The following RBPJ variants were observed in gnomAD, a reference collection of about 807,000 sequenced individuals.
RBPJ encodes the protein recombination signal binding protein for immunoglobulin kappa J region, also known as recombining binding protein suppressor of hairless.
Under a neutral mutation model 67.8 loss-of-function variants are expected in RBPJ, and 9 were observed. The observed-to-expected ratio is 0.13, with a 90% CI of 0.08 to 0.23. The LOEUF is 0.23. RBPJ is among the 10% of genes least tolerant of loss of function. The pLI, the probability that RBPJ is intolerant of heterozygous loss-of-function variation, is 1.00. For missense variants in RBPJ, 305 were observed against 595.6 expected (o/e 0.51, Z 5.08); for synonymous variants, 198 against 203.3 (o/e 0.97, Z 0.22).
At chr4:26,385,010 C>A (rs945345160) in intron 1 of RBPJ, among the ~76,000 whole-genome samples, 2 of 121,444 alleles carry the variant, frequency 1.6e-5, no homozygotes, top group Admixed American at 8.8e-5. Flanking sequence ...TCCCCTCCCC[C>A]CTTTCCTTTC....
At chr4:26,293,902 C>T (rs987525895) in intron 1 of RBPJ, among the ~76,000 whole-genome samples, 10 of 151,998 alleles carry the variant, frequency 6.6e-5, no homozygotes, top group African/African-American at 2.4e-4. Flanking sequence ...GGATTACAGG[C>T]ATGTGCCACC....
intron 1 of RBPJ, among the ~76,000 whole-genome samples, chr4:26,169,499 G>A (rs1716471761): frequency 6.6e-6 from 1 of 152,218 alleles, no homozygotes; most frequent in Non-Finnish European, 1.5e-5. Context: ...GTGCCTCCCA[G>A]TTAGGCTGCT....
intron 7 of RBPJ, among the ~76,000 whole-genome samples, chr4:26,427,706 G>T (rs56852953): frequency 0.087 from 13,246 of 152,190 alleles, 759 homozygotes; most frequent in East Asian, 0.3. Context: ...TGGAGAGATT[G>T]CAGGAGATTG....
At chr4:26,320,747 A>T (rs1400433972), upstream of RBPJ, 1 of 1,552,258 alleles carries the variant, frequency 6.4e-7, no homozygotes, top group South Asian at 1.2e-5. Flanking sequence ...GGATAACCGG[A>T]GCGCTCCCCA....
chr4:26,417,138 A>G (rs183028466), intron 4 of RBPJ, among the ~76,000 whole-genome samples: 15 of 152,338 alleles, frequency 9.8e-5, no homozygotes, highest in Admixed American at 6.5e-4. Flanking sequence ...ATTCAGTACT[A>G]TGAATGAGTG....
intron 1 of RBPJ, among the ~76,000 whole-genome samples, chr4:26,340,642 G>A (rs1725413315): frequency 1.3e-5 from 2 of 152,006 alleles, no homozygotes; most frequent in Admixed American, 6.5e-5. Flanking sequence ...GGTGGATAAT[G>A]AGGTCAGAGG....
chr4:26,198,209 G>A (rs377266104), intron 1 of RBPJ, among the ~76,000 whole-genome samples: 33 of 152,040 alleles, frequency 2.2e-4, no homozygotes, highest in African/African-American at 6.3e-4. Context: ...AGCTGAGATC[G>A]CGCCATTGCA....
chr4:26,126,324 A>AC, the RBPJ span, among the ~76,000 whole-genome samples: 7,307 of 152,124 alleles, frequency 0.048, 589 homozygotes, highest in African/African-American at 0.17. Flanking sequence ...CCCGCCCCCA[A>AC]CCCCAACTTC....
intron 1 of RBPJ, among the ~76,000 whole-genome samples, chr4:26,364,546 C>T (rs184372752): frequency 6.7e-6 from 1 of 149,116 alleles, no homozygotes; most frequent in East Asian, 1.9e-4. Context: ...TTTAACTCCG[C>T]AGAGGTTTTT....
chr4:26,122,647 T>C, the RBPJ span, among the ~76,000 whole-genome samples: 20 of 152,246 alleles, frequency 1.3e-4, no homozygotes, highest in African/African-American at 3.9e-4. Context: ...TTGGAAAATA[T>C]AGAGAAACAT....
chr4:26,209,114 T>A (rs1718274160), intron 1 of RBPJ, among the ~76,000 whole-genome samples: 1 of 150,156 alleles, frequency 6.7e-6, no homozygotes, highest in Admixed American at 6.6e-5. Flanking sequence ...TATATATATA[T>A]AAAAGCATTT....
At chr4:26,428,698 A>AT in intron 7 of RBPJ, 22 bp from the exon 8 acceptor site, 1 of 1,591,476 alleles carries the variant, frequency 6.3e-7, no homozygotes. Flanking sequence ...ATGACCTTTT[A>AT]TTTCTTAATT....
intron 1 of RBPJ, among the ~76,000 whole-genome samples, chr4:26,211,691 G>A (rs1000080086): frequency 2.0e-5 from 3 of 152,134 alleles, no homozygotes; most frequent in African/African-American, 4.8e-5. Flanking sequence ...CCTTCCATTC[G>A]GGTAGACAGC....
At chr4:26,357,219 C>T (rs998693046) in intron 1 of RBPJ, among the ~76,000 whole-genome samples, 3 of 152,130 alleles carry the variant, frequency 2.0e-5, no homozygotes, top group Non-Finnish European at 4.4e-5. Context: ...ATTGTGAAGG[C>T]TAGGCTTTTG....
intron 1 of RBPJ, among the ~76,000 whole-genome samples, chr4:26,300,378 GAAGA>G (rs1234031027): frequency 6.6e-6 from 1 of 152,172 alleles, no homozygotes; most frequent in Non-Finnish European, 1.5e-5. Flanking sequence ...CTAAAGGAAG[GAAGA>G]AATATCCAAG....
chr4:26,307,489 T>C (rs972547011), intron 1 of RBPJ, among the ~76,000 whole-genome samples: 1 of 152,228 alleles, frequency 6.6e-6, no homozygotes, highest in African/African-American at 2.4e-5. Flanking sequence ...CAGATATAGC[T>C]ATGCTATTTA....
intron 1 of RBPJ, among the ~76,000 whole-genome samples, chr4:26,218,232 C>T (rs754871596): frequency 1.1e-4 from 17 of 152,108 alleles, no homozygotes; most frequent in Non-Finnish European, 1.8e-4. Context: ...CCGGTGGGTA[C>T]GTGCAAACAC....
chr4:26,338,147 T>TTTTTCTTTC (rs1725078098), intron 1 of RBPJ, among the ~76,000 whole-genome samples: 1 of 148,160 alleles, frequency 6.7e-6, no homozygotes. Flanking sequence ...CTTATGTGTA[T>TTTTTCTTTC]TTTTCTTTCT....
chr4:26,109,454 C>A, the RBPJ span, among the ~76,000 whole-genome samples: 112 of 20,986 alleles, frequency 5.3e-3, 3 homozygotes, highest in Non-Finnish European at 6.7e-3. Flanking sequence ...CTCTCTCTCT[C>A]TCTCTCTATA....
Sources: allele counts gnomAD v4.1 joint callset (sites outside exome capture counted in the v4.1 genomes callset), GRCh38; gene constraint gnomAD v4.1.1; transcripts MANE v1.5; gene names NCBI Gene and HGNC (gene_info 2026-07-23, HGNC 2026-07-21).